GNAL: variants seen among roughly 807,000 people sequenced by gnomAD.
The protein encoded by GNAL is guanine nucleotide-binding protein G(olf) subunit alpha.
Under a neutral mutation model 55.1 loss-of-function variants are expected in GNAL, and 18 were observed. The ratio of observed to expected loss-of-function variants is 0.33; its 90% CI spans 0.23 to 0.48. GNAL has a LOEUF of 0.48. GNAL is among the 20% of genes least tolerant of loss of function. The pLI is 0.99. For synonymous variants in GNAL, 253 were observed against 237.0 expected (o/e 1.07, Z -0.62); for missense variants, 412 against 614.1 (o/e 0.67, Z 3.48).
intron 5 of GNAL, among the ~76,000 whole-genome samples, chr18:11,855,709 A>G (rs995543984): frequency 6.6e-6 from 1 of 152,204 alleles, no homozygotes; most frequent in Non-Finnish European, 1.5e-5. Flanking sequence ...GCAGTGGCTC[A>G]CGCCTGTAAT....
At chr18:11,880,325 T>C (rs2036645030) in intron 11 of GNAL, among the ~76,000 whole-genome samples, 1 of 149,362 alleles carries the variant, frequency 6.7e-6, no homozygotes, top group African/African-American at 2.5e-5. Context: ...TCCCAGCACT[T>C]TGGGAGGCCG....
Position 11,884,548 on chromosome 18 carries a change from C to A in GNAL, c.*3413C>A, listed in dbSNP as rs758771933. 1 of 1,614,066 alleles carries A rather than the reference C, an allele frequency of 6.2e-7. No homozygotes were observed. The stretch of plus-strand genomic sequence containing the variant: ...GAGGACCACAAGGAAGCCCACCACT[C>A]CACAGTAGATGATCAAAACCACATC... On this transcript the variant is annotated 3_prime_UTR_variant, in exon 12 of 12. Transcript: ENST00000334049.
chr18:11,812,091 A>G (rs2034831513), intron 4 of GNAL, among the ~76,000 whole-genome samples: 1 of 152,226 alleles, frequency 6.6e-6, no homozygotes, highest in Non-Finnish European at 1.5e-5. Context: ...GAGTATTGTG[A>G]AAAGTCAAAA....
intron 11 of GNAL, 114 bp downstream of exon 11, chr18:11,876,802 G>A (rs576666307): frequency 2.0e-4 from 143 of 729,482 alleles, no homozygotes; most frequent in East Asian, 2.8e-4. Context: ...CATTACGAGC[G>A]ATGACAAAGG....
intron 1 of GNAL, among the ~76,000 whole-genome samples, chr18:11,714,833 G>A (rs1016294527): frequency 6.6e-6 from 1 of 152,174 alleles, no homozygotes; most frequent in Non-Finnish European, 1.5e-5. Flanking sequence ...TTAGGGTCCC[G>A]AGATTTTATT....
intron 5 of GNAL, among the ~76,000 whole-genome samples, chr18:11,832,360 A>C (rs1392598146): frequency 6.6e-6 from 1 of 152,154 alleles, no homozygotes; most frequent in Non-Finnish European, 1.5e-5. Flanking sequence ...GCAGCGAAAA[A>C]AGTCAAGTGA....
intron 4 of GNAL, among the ~76,000 whole-genome samples, chr18:11,781,010 G>A (rs183399596): frequency 2.7e-3 from 415 of 152,324 alleles, no homozygotes; most frequent in Non-Finnish European, 4.7e-3. Context: ...GCATTTAACT[G>A]ACTGAGAGCC....
chr18:11,751,385 T>A lies in GNAL; in HGVS notation c.377-1468T>A. 1 of 408,748 alleles carries A rather than the reference T, an allele frequency of 2.4e-6. No individual in the cohort carries two copies. Among genetic ancestry groups the A allele is most frequent in the Non-Finnish European group, 3.3e-6 (1 of 302,576 alleles). The allele number at this position is 408,748 out of a possible 1,614,324, so 25.3% of individuals were successfully genotyped here. The stretch of plus-strand genomic sequence containing the variant: ...ACAGTGCCTTCTGGAAGAGTTGTTG[T>A]GCTGCTTGGGAGCACTGCACAGGAG... On this transcript the variant is annotated intron_variant, in intron 1 of 11. Transcript: ENST00000334049. This position sits in a 1 kb window ranked among gnomAD's most constrained non-coding sequence, Gnocchi z 4.5.
intron 4 of GNAL, among the ~76,000 whole-genome samples, chr18:11,768,311 A>G (rs2033476218): frequency 6.6e-6 from 1 of 152,160 alleles, no homozygotes; most frequent in South Asian, 2.1e-4. Flanking sequence ...TGTAATATAT[A>G]ATGTATAGGC....
intron 1 of GNAL, among the ~76,000 whole-genome samples, chr18:11,725,886 C>A (rs2032200761): frequency 1.3e-5 from 2 of 152,202 alleles, no homozygotes; most frequent in Non-Finnish European, 2.9e-5. Flanking sequence ...ATTTTGCATT[C>A]CCACCAGCAA....
intron 5 of GNAL, among the ~76,000 whole-genome samples, chr18:11,834,601 C>T (rs2035460594): frequency 6.6e-6 from 1 of 152,006 alleles, no homozygotes; most frequent in African/African-American, 2.4e-5. Context: ...ACCTGTAGTC[C>T]CAGCTACTTG....
At chr18:11,851,455 T>A (rs1316274310) in intron 5 of GNAL, 5 of 1,473,754 alleles carry the variant, frequency 3.4e-6, no homozygotes, top group African/African-American at 1.4e-5. Flanking sequence ...TACCTTACCT[T>A]CTCTGCCTTC....
intron 1 of GNAL, among the ~76,000 whole-genome samples, chr18:11,750,594 G>A (rs1239494684): frequency 3.3e-5 from 5 of 152,166 alleles, no homozygotes; most frequent in Admixed American, 6.5e-5. Flanking sequence ...GAGACGGAAA[G>A]AAAATAAAGA....
At position 11,730,036 on chromosome 18, in the gene GNAL, CTTTTCTTTTT is replaced by C. The variant is rs577526174; in HGVS notation, c.377-22812_377-22803del. 1.6e-3 allele frequency among the ~76,000 whole-genome samples: 249 copies of C among 151,590 alleles called. 4 individuals are homozygous for C. The highest frequency in any genetic ancestry group is 6.0e-3 in the African/African-American group (245 of 41,084). ...AAGAGTTAAGTTTTTCTTTTCTTTT[CTTTTCTTTTT>C]TTTTTGAGACAGAGTCTCGCTCTTT... On this transcript the variant is annotated intron_variant, in intron 1 of 11. Transcript: ENST00000334049.
intron 4 of GNAL, among the ~76,000 whole-genome samples, chr18:11,801,500 T>C (rs1400612062): frequency 2.6e-5 from 4 of 152,042 alleles, no homozygotes; most frequent in Admixed American, 1.3e-4. Flanking sequence ...TTACAGGTCA[T>C]TGTAGGAACT....
intron 1 of GNAL, among the ~76,000 whole-genome samples, chr18:11,692,411 G>A (rs1004643587): frequency 3.9e-5 from 6 of 152,184 alleles, no homozygotes; most frequent in African/African-American, 1.2e-4. Flanking sequence ...CAACAGGGAC[G>A]CGGGCTGAGC....
At chr18:11,791,009 A>G (rs902747782) in intron 4 of GNAL, among the ~76,000 whole-genome samples, 5 of 146,752 alleles carry the variant, frequency 3.4e-5, no homozygotes, top group Non-Finnish European at 6.1e-5. Context: ...AAGAAAAACC[A>G]GAAACTACTA....
intron 1 of GNAL, among the ~76,000 whole-genome samples, chr18:11,700,713 A>G (rs2031546257): frequency 6.6e-6 from 1 of 152,236 alleles, no homozygotes; most frequent in South Asian, 2.1e-4. Flanking sequence ...TGCTTTCTCT[A>G]ATCCTAGCAG....
intron 1 of GNAL, among the ~76,000 whole-genome samples, chr18:11,717,289 C>T (rs967874765): frequency 1.3e-5 from 2 of 152,242 alleles, no homozygotes; most frequent in African/African-American, 4.8e-5. Flanking sequence ...GCCTCTCCCT[C>T]CACACCTCCC....
Sources: gnomAD v4.1 joint callset for allele counts (sites outside exome capture counted in the v4.1 genomes callset) on GRCh38, gnomAD v4.1.1 for gene constraint, Gnocchi (gnomAD v3.1) non-coding constraint, MANE v1.5 for transcripts, NCBI Gene and HGNC (gene_info 2026-07-23, HGNC 2026-07-21) for gene names.